Variants in TESK2 observed in about 807,000 individuals in gnomAD.
TESK2 encodes the protein testis associated actin remodelling kinase 2.
TESK2 carries 39 observed loss-of-function variants against 57.1 expected under a neutral mutation model. The observed-to-expected ratio is 0.68, with a 90% confidence interval of 0.53 to 0.89. The LOEUF is 0.89. TESK2 is among the 40% of genes least tolerant of loss of function. TESK2 has a pLI of 0.00. For synonymous variants in TESK2, 249 were observed against 267.9 expected (o/e 0.93, Z 0.69); for missense variants, 646 against 732.1 (o/e 0.88, Z 1.36).
rs923841324 is a variant in TESK2 at position 45,344,640 on chromosome 1, T to C, written c.*200A>G. The C allele has an allele frequency of 1.9e-5, 11 of 581,510 alleles. No individual in the cohort carries two copies. The highest frequency in any genetic ancestry group is 1.1e-4 in the South Asian group (5 of 46,424). The allele number at this position is 581,510 out of a possible 1,614,324, so 36.0% of individuals were successfully genotyped here. A position where few individuals can be genotyped will look rare whatever the true frequency, so the allele number is the denominator to read the frequency against. On this transcript the variant is annotated 3_prime_UTR_variant, in exon 11 of 11. Transcript: ENST00000372086. ...ATTTCAGAGGCTTGGTATCAGCTGT[T>C]GGCCCTAACTAGGAAGGCCTCTCAC... is the stretch of plus-strand genomic sequence containing the variant.
chr1:45,421,980 G>A, intron 2 of TESK2, 134 bp from the exon 3 acceptor site: 1 of 880,848 alleles, frequency 1.1e-6, no homozygotes, highest in Non-Finnish European at 1.7e-6. Context: ...TTACATTAAA[G>A]TATCACTTCC....
At chr1:45,488,162 C>A (rs781576348) in intron 1 of TESK2, among the ~76,000 whole-genome samples, 6 of 152,168 alleles carry the variant, frequency 3.9e-5, no homozygotes, top group Non-Finnish European at 7.3e-5. Flanking sequence ...GATCCTCCCA[C>A]TTCAGCCTCC....
chr1:45,396,494 C>CT lies in TESK2; in HGVS notation c.345-10535dup, dbSNP rs796355065. On this transcript the variant is annotated intron_variant, in intron 3 of 10. Coordinates refer to ENST00000372086, the MANE Select transcript of TESK2 (RefSeq NM_007170.3). The stretch of plus-strand genomic sequence containing the variant: ...ATAATGATGATGGTATGAGATAACT[C>CT]TTTTTTTTTTTTGAAACAGAGTCTC... 8.3e-4 allele frequency among the ~76,000 whole-genome samples: 121 copies of CT among 146,062 alleles called. 1 individual carries two copies. Among genetic ancestry groups the CT allele is most frequent in the African/African-American group, 1.3e-3 (54 of 40,100 alleles).
Position 45,343,921 on chromosome 1 carries a change from T to C in TESK2, c.*919A>G. On this transcript the variant is annotated 3_prime_UTR_variant, in exon 11 of 11. Transcript: ENST00000372086. The surrounding 1 kb of genome is among the most constrained non-coding windows in gnomAD (Gnocchi z 4.3). ...GACTTTATTTTTAAGTCTGAAAATG[T>C]CTTGGGAAAGTTTTACAAAAAAAAA... The C allele has an allele frequency of 2.2e-6, 1 of 446,048 alleles. No homozygotes were observed. The allele number at this position is 446,048 out of a possible 1,614,324, so 27.6% of individuals were successfully genotyped here. A position where few individuals can be genotyped will look rare whatever the true frequency, so the allele number is the denominator to read the frequency against.
chr1:45,345,233 A>G lies in TESK2; in HGVS notation c.1323T>C (p.Ala441=). The G allele has an allele frequency of 6.2e-7, 1 of 1,614,250 alleles. No individual in the cohort carries two copies. Residue 441 remains alanine (A), a synonymous_variant, in exon 11 of 11, where the codon GCT becomes GCC. Transcript: ENST00000372086. ...GTGGGGCCAGGGGCTCCTGCCAGTC[A>G]GCCAGGGGCATAGTTCCGGGCCCTG... ...DAPGPGTMPL[A]DWQEPLAPPI...
At chr1:45,427,386 T>C (rs1280551765) in intron 2 of TESK2, among the ~76,000 whole-genome samples, 1 of 152,148 alleles carries the variant, frequency 6.6e-6, no homozygotes, top group Non-Finnish European at 1.5e-5. Context: ...AGCTACCATA[T>C]GATCCAGCAA....
At position 45,347,671 on chromosome 1, in the gene TESK2, C is replaced by T. The variant is rs369770011; in HGVS notation, c.646G>A (p.Val216Met). Residue 216 changes from valine to methionine, a missense_variant, in exon 7 of 11, where the codon GTG (valine) becomes ATG (methionine). By Grantham distance (21) the Val-to-Met change is conservative. Coordinates refer to ENST00000372086, the MANE Select transcript of TESK2 (RefSeq NM_007170.3). ...DVSMGSEKLA[V>M]VGSPFWMAPE... ...GCCATCCAGAATGGGGAACCCACCA[C>T]GGCCAGCTTCTCACTCCCCATGCTG... The T allele has an allele frequency of 6.2e-6, 10 of 1,614,090 alleles. No individual in the cohort carries two copies. The highest frequency in any genetic ancestry group is 1.6e-4 in the Middle Eastern group (1 of 6,084).
chr1:45,468,897 A>G (rs2149303695), intron 1 of TESK2, among the ~76,000 whole-genome samples: 1 of 152,306 alleles, frequency 6.6e-6, no homozygotes, highest in African/African-American at 2.4e-5. Flanking sequence ...AGAGAAGCTT[A>G]ATCATTTTTG....
chr1:45,357,912 G>A (rs1647506537), intron 4 of TESK2, among the ~76,000 whole-genome samples: 1 of 150,186 alleles, frequency 6.7e-6, no homozygotes, highest in Non-Finnish European at 1.5e-5. Context: ...GATGAGGCAG[G>A]AGAATCGCTT....
intron 2 of TESK2, among the ~76,000 whole-genome samples, chr1:45,456,625 A>T (rs1314142417): frequency 1.3e-5 from 2 of 152,102 alleles, no homozygotes; most frequent in African/African-American, 4.8e-5. Context: ...GGTAATACTT[A>T]GTAGTGAAAA....
intron 4 of TESK2, chr1:45,385,209 T>G (rs942277188): frequency 3.4e-5 from 11 of 320,080 alleles, no homozygotes; most frequent in Admixed American, 2.6e-4. Flanking sequence ...ATAGGCCCTA[T>G]ACAAACCTAT....
intron 2 of TESK2, among the ~76,000 whole-genome samples, chr1:45,448,246 A>AAG (rs1318254827): frequency 6.7e-6 from 1 of 149,688 alleles, no homozygotes; most frequent in Non-Finnish European, 1.5e-5. Flanking sequence ...TCAAAAAAAA[A>AAG]AAAAAAAAAG....
At chr1:45,350,567 A>T (rs1647216689) in intron 5 of TESK2, among the ~76,000 whole-genome samples, 1 of 152,234 alleles carries the variant, frequency 6.6e-6, no homozygotes, top group Non-Finnish European at 1.5e-5. Context: ...TTTTCATAGC[A>T]CAGGGAGATC....
intron 2 of TESK2, among the ~76,000 whole-genome samples, chr1:45,427,234 C>CAAAAAAAAAAAAAAAAAAAA (rs111269135): frequency 7.7e-6 from 1 of 129,504 alleles, no homozygotes; most frequent in Non-Finnish European, 1.6e-5. Context: ...GACTCTGTCT[C>CAAAAAAAAAAAAAAAAAAAA]AAAAAAAAAA....
At chr1:45,468,263 T>G (rs1652635901) in intron 1 of TESK2, among the ~76,000 whole-genome samples, 2 of 152,094 alleles carry the variant, frequency 1.3e-5, no homozygotes, top group Admixed American at 1.3e-4. Flanking sequence ...TACTAATGAT[T>G]AGATAGCTGA....
rs1266372753 is a variant in TESK2 at position 45,345,113 on chromosome 1, C to G, written c.1443G>C (p.Gly481=). The G allele has an allele frequency of 4.3e-6, 7 of 1,614,018 alleles. No individual in the cohort carries two copies. The Admixed American group carries it at 1.2e-4, about 27-fold the overall frequency. The change falls in exon 11 of 11, where the codon GGG becomes GGC. Residue 481 remains glycine, a synonymous_variant. Coordinates refer to ENST00000372086, the MANE Select transcript of TESK2 (RefSeq NM_007170.3). ...FVGREESLSD[G]PPPRLSSLKY... is the part of the protein sequence containing the mutation. ...TGAGACTACTTAGGCGTGGTGGGGGCCCATCAGATAGCGATTCTTCCCGGC... is the reference window on the plus strand; with the variant it reads ...TGAGACTACTTAGGCGTGGTGGGGGGCCATCAGATAGCGATTCTTCCCGGC...
At chr1:45,369,667 G>A (rs958854975) in intron 4 of TESK2, among the ~76,000 whole-genome samples, 1 of 151,990 alleles carries the variant, frequency 6.6e-6, no homozygotes, top group Non-Finnish European at 1.5e-5. Context: ...AGGTTTTATG[G>A]GGAAATAAGC....
chr1:45,397,012 T>C (rs1649398813), intron 3 of TESK2, among the ~76,000 whole-genome samples: 3 of 151,274 alleles, frequency 2.0e-5, no homozygotes, highest in African/African-American at 7.3e-5. Context: ...AGAGACAGCA[T>C]TTTACCATGT....
chr1:45,399,129 T>C (rs989018213), intron 3 of TESK2: 1 of 186,712 alleles, frequency 5.4e-6, no homozygotes, highest in Admixed American at 6.2e-5. Flanking sequence ...TGAACTTAAA[T>C]AAAAGTTGAA....
Sources: gnomAD v4.1 joint callset for allele counts (sites outside exome capture counted in the v4.1 genomes callset) on GRCh38, gnomAD v4.1.1 for gene constraint, Gnocchi (gnomAD v3.1) non-coding constraint, MANE v1.5 for transcripts, NCBI Gene and HGNC (gene_info 2026-07-23, HGNC 2026-07-21) for gene names.